ADAMTS17: variants seen among roughly 807,000 people sequenced by gnomAD.
ADAMTS17 encodes A disintegrin and metalloproteinase with thrombospondin motifs 17.
Under a neutral mutation model 141.5 loss-of-function variants are expected in ADAMTS17, and 113 were observed. The ratio of observed to expected loss-of-function variants is 0.80; its 90% CI spans 0.69 to 0.93. ADAMTS17 has a LOEUF of 0.93. Among genes scored for constraint, ADAMTS17 ranks in the 40% least tolerant of loss-of-function variants. The pLI, the probability that ADAMTS17 is intolerant of heterozygous loss-of-function variation, is 0.00. For missense variants in ADAMTS17, 1,659 were observed against 1,517.9 expected (o/e 1.09, Z -1.54); for synonymous variants, 768 against 630.6 (o/e 1.22, Z -3.27).
chr15:100,003,141 G>A (rs2060963381), intron 18 of ADAMTS17, among the ~76,000 whole-genome samples: 1 of 152,036 alleles, frequency 6.6e-6, no homozygotes, highest in Admixed American at 6.6e-5. Flanking sequence ...CCACCATGGG[G>A]GACCTCGAGT....
chr15:100,266,204 A>G (rs1316219085), intron 4 of ADAMTS17, among the ~76,000 whole-genome samples: 2 of 152,208 alleles, frequency 1.3e-5, no homozygotes, highest in Non-Finnish European at 2.9e-5. Context: ...GGTTTCTGGT[A>G]TCAGCACCAC....
intron 12 of ADAMTS17, among the ~76,000 whole-genome samples, chr15:100,127,734 A>G (rs971291505): frequency 6.6e-6 from 1 of 151,948 alleles, no homozygotes; most frequent in African/African-American, 2.4e-5. Flanking sequence ...GGCATGTGCC[A>G]CCGCACCTGG....
chr15:100,189,333 G>C (rs143837798), intron 8 of ADAMTS17, among the ~76,000 whole-genome samples: 28 of 152,336 alleles, frequency 1.8e-4, no homozygotes, highest in African/African-American at 6.7e-4. Flanking sequence ...TTGCGAGCTT[G>C]TTCTGCTGAG....
chr15:100,174,962 T>C (rs945447407), intron 8 of ADAMTS17, among the ~76,000 whole-genome samples: 8 of 152,136 alleles, frequency 5.3e-5, no homozygotes, highest in Admixed American at 3.3e-4. Context: ...TAAAGGGTGG[T>C]ACCAGCAGGT....
intron 20 of ADAMTS17, among the ~76,000 whole-genome samples, chr15:99,992,263 T>C (rs1452825597): frequency 1.3e-5 from 2 of 152,130 alleles, no homozygotes; most frequent in East Asian, 1.9e-4. Context: ...AGGTCAGCAG[T>C]TGGCAATCTT....
chr15:100,222,324 G>GCGGGCAGACCAGATGCTC (rs1442700117), intron 7 of ADAMTS17, among the ~76,000 whole-genome samples: 2 of 152,208 alleles, frequency 1.3e-5, no homozygotes, highest in Non-Finnish European at 2.9e-5. Context: ...TACCATGCTG[G>GCGGGCAGACCAGATGCTC]CGGGCAGACC....
chr15:100,104,726 C>G (rs540356461), intron 14 of ADAMTS17, among the ~76,000 whole-genome samples: 4 of 152,326 alleles, frequency 2.6e-5, no homozygotes, highest in African/African-American at 9.6e-5. Flanking sequence ...CAATTATTAT[C>G]AATGAATAGA....
rs113457202 is a variant in ADAMTS17 at position 100,165,547 on chromosome 15, C to G, written c.1182-10227G>C. Among the ~76,000 whole-genome samples, 1,092 of 152,280 alleles carry G rather than the reference C, an allele frequency of 7.2e-3. 15 individuals carry two copies. Among genetic ancestry groups the G allele is most frequent in the African/African-American group, 0.024 (985 of 41,548 alleles). On this transcript the variant is annotated intron_variant, in intron 8 of 21. Coordinates refer to ENST00000268070, the MANE Select transcript of ADAMTS17 (RefSeq NM_139057.4). ...CTGCTTAGAGCATCCAAAAATGCAT[C>G]TAGAGCCAATGCAGGCAAACGGCCT...
At chr15:100,097,694 A>G (rs535228723) in intron 14 of ADAMTS17, among the ~76,000 whole-genome samples, 17 of 152,278 alleles carry the variant, frequency 1.1e-4, no homozygotes, top group Admixed American at 4.6e-4. Context: ...CCAGCCCTAG[A>G]GTTTCTGACC....
intron 20 of ADAMTS17, among the ~76,000 whole-genome samples, chr15:99,985,078 C>T (rs1049802118): frequency 6.6e-6 from 1 of 152,258 alleles, no homozygotes; most frequent in Non-Finnish European, 1.5e-5. Flanking sequence ...TCACTGCTCT[C>T]ATGTGAGCAT....
At position 100,301,954 on chromosome 15, in the gene ADAMTS17, T is replaced by C. The variant is rs78092618; in HGVS notation, c.617-20553A>G. Among the ~76,000 whole-genome samples the C allele has an allele frequency of 7.1e-3, 1,083 of 152,338 alleles. 10 individuals carry two copies. The highest frequency in any genetic ancestry group is 0.021 in the African/African-American group (893 of 41,578). On this transcript the variant is annotated intron_variant, in intron 3 of 21. Coordinates refer to ENST00000268070, the MANE Select transcript of ADAMTS17 (RefSeq NM_139057.4). The stretch of plus-strand genomic sequence containing the variant: ...ATCCATATATTATACAATTCACCCA[T>C]TTAGCATATACAGTTGTTTTCAGTG...
chr15:100,145,735 A>G (rs8035111), intron 10 of ADAMTS17, among the ~76,000 whole-genome samples: 13,328 of 152,286 alleles, frequency 0.088, 676 homozygotes, highest in South Asian at 0.14. Context: ...TCTGTTTCTA[A>G]TGTGCTTAAT....
intron 7 of ADAMTS17, among the ~76,000 whole-genome samples, chr15:100,202,266 C>A (rs374296840): frequency 6.6e-6 from 1 of 152,182 alleles, no homozygotes; most frequent in Non-Finnish European, 1.5e-5. Flanking sequence ...AAGCAAGGAG[C>A]CTTCCAATAA....
At chr15:100,011,834 T>C (rs113118839) in intron 18 of ADAMTS17, among the ~76,000 whole-genome samples, 2,208 of 152,354 alleles carry the variant, frequency 0.014, 73 homozygotes, top group African/African-American at 0.049. Context: ...GATTTTGCAA[T>C]TGTGAATTGT....
At chr15:100,174,941 C>T (rs2040283720) in intron 8 of ADAMTS17, among the ~76,000 whole-genome samples, 1 of 152,174 alleles carries the variant, frequency 6.6e-6, no homozygotes, top group African/African-American at 2.4e-5. Context: ...AAAAAAGCCT[C>T]CCAGTGTCAA....
chr15:100,284,004 G>A (rs988114410), intron 3 of ADAMTS17, among the ~76,000 whole-genome samples: 1 of 152,166 alleles, frequency 6.6e-6, no homozygotes, highest in African/African-American at 2.4e-5. Flanking sequence ...CACTCGGGAG[G>A]CGAGGCAGGA....
At chr15:100,318,302 G>C (rs969857285) in intron 3 of ADAMTS17, among the ~76,000 whole-genome samples, 6 of 151,866 alleles carry the variant, frequency 4.0e-5, no homozygotes, top group Admixed American at 3.9e-4. Flanking sequence ...TTAATACCAG[G>C]TATGGTCTGA....
intron 18 of ADAMTS17, among the ~76,000 whole-genome samples, chr15:100,047,608 G>A (rs80281429): frequency 0.043 from 6,501 of 152,072 alleles, 226 homozygotes; most frequent in African/African-American, 0.087. Context: ...CATGCTTCTC[G>A]AATGGAGCCC....
intron 15 of ADAMTS17, among the ~76,000 whole-genome samples, chr15:100,072,161 T>C (rs1209390456): frequency 6.7e-6 from 1 of 149,542 alleles, no homozygotes. Flanking sequence ...TCACAATTGC[T>C]TCAAAGAGAA....
Sources: gnomAD v4.1 joint callset for allele counts (sites outside exome capture counted in the v4.1 genomes callset) on GRCh38, gnomAD v4.1.1 for gene constraint, MANE v1.5 for transcripts, NCBI Gene and HGNC (gene_info 2026-07-23, HGNC 2026-07-21) for gene names.